Variants in TRIM48 observed in about 807,000 individuals in gnomAD.
TRIM48 encodes E3 ubiquitin-protein ligase TRIM48.
In TRIM48, 31 loss-of-function variants were observed where a neutral mutation model predicts 29.5. That is an observed-to-expected ratio of 1.05 (90% confidence interval 0.79 to 1.42). The LOEUF is 1.42. TRIM48 is among the 40% of genes most tolerant of loss of function. The pLI is 0.00. For missense variants in TRIM48, 344 were observed against 265.0 expected (o/e 1.30, Z -2.07); for synonymous variants, 128 against 90.6 (o/e 1.41, Z -2.34).
intron 1 of TRIM48, among the ~76,000 whole-genome samples, chr11:55,262,670 GTTCAT>G (rs1030723597): frequency 1.3e-5 from 2 of 151,900 alleles, no homozygotes; most frequent in African/African-American, 4.8e-5. Context: ...ATTAATGAAT[GTTCAT>G]TCATTCATTC....
chr11:55,267,681 T>C (rs892285352), intron 3 of TRIM48: 2 of 1,557,066 alleles, frequency 1.3e-6, no homozygotes, highest in Admixed American at 1.8e-5. Context: ...ACTATTCACA[T>C]GTATAAGTAT....
rs763093051 is a variant in TRIM48, at chr11:55,265,048, C to G, written c.193C>G (p.Leu65Val). The G allele has an allele frequency of 6.3e-7, 1 of 1,584,046 alleles. No homozygotes were observed. Among genetic ancestry groups the G allele is most frequent in the South Asian group, 1.2e-5 (1 of 83,710 alleles). The stretch of plus-strand genomic sequence containing the variant: ...CCTCAACTGGCAAGACATCCCAATT[C>G]TTACTCAGTGCTTTGAATGCATAAA... ...FYLNWQDIPI[L>V]TQCFECIKTI... is the part of the protein sequence containing the mutation. Residue 65 changes from leucine (L) to valine (V), a missense_variant, in exon 2 of 6, where the codon CTT becomes GTT. By Grantham distance (32) the Leu-to-Val change is conservative. Transcript: ENST00000417545.
chr11:55,262,416 A>G (rs1325301707), intron 1 of TRIM48, 105 bp downstream of exon 1: 1 of 810,550 alleles, frequency 1.2e-6, no homozygotes, highest in African/African-American at 1.7e-5. Flanking sequence ...CAATGATACC[A>G]TCTGTAATTC....
chr11:55,263,763 G>A (rs1212199051), intron 1 of TRIM48, among the ~76,000 whole-genome samples: 8 of 152,296 alleles, frequency 5.3e-5, no homozygotes, highest in African/African-American at 1.7e-4. Flanking sequence ...AGGAAAATTC[G>A]TTTGCTTGAT....
rs1314544029 is a variant in TRIM48 at position 55,269,131 on chromosome 11, T to A, written c.579-111T>A. On this transcript the variant is annotated intron_variant, in intron 4 of 5. Transcript: ENST00000417545. The stretch of plus-strand genomic sequence containing the variant: ...AAAAAGGAAGGAATAATTTTTGAAT[T>A]ATCAAATTTGTGGGTTCAAAGGATT... 1.1e-5 allele frequency: 15 copies of A among 1,411,180 alleles called. 3 individuals carry two copies. Among genetic ancestry groups the A allele is most frequent in the Admixed American group, 8.8e-5 (4 of 45,552 alleles). The allele number at this position is 1,411,180 out of a possible 1,614,324, so 87.4% of individuals were successfully genotyped here.
chr11:55,267,252 G>A (rs1361803396), intron 3 of TRIM48, among the ~76,000 whole-genome samples: 1 of 147,370 alleles, frequency 6.8e-6, no homozygotes, highest in Non-Finnish European at 1.5e-5. Context: ...TGATCTTTAT[G>A]CAGAAAGAAA....
chr11:55,265,291 G>A lies in TRIM48; in HGVS notation c.436G>A (p.Glu146Lys), dbSNP rs750961621. Reference protein sequence around the residue: ...EHRYHRHCPAEWAAEEHWEKL... With the variant: ...EHRYHRHCPAKWAAEEHWEKL... ...CCGGTATCACAGACACTGTCCCGCTGAGTGGGCTGCTGAGGAACACTGGGT... is the reference window on the plus strand; with the variant it reads ...CCGGTATCACAGACACTGTCCCGCTAAGTGGGCTGCTGAGGAACACTGGGT... The change falls in exon 2 of 6, where the codon GAG becomes AAG. Residue 146 changes from glutamate to lysine, a missense_variant. By Grantham distance (56) the Glu-to-Lys change is moderately conservative. Coordinates refer to ENST00000417545, the MANE Select transcript of TRIM48 (RefSeq NM_024114.5). 6.3e-6 allele frequency: 10 copies of A among 1,582,284 alleles called. 1 individual carries two copies. The highest frequency in any genetic ancestry group is 1.4e-5 in the African/African-American group (1 of 73,588).
intron 4 of TRIM48, 144 bp from the exon 5 acceptor site, chr11:55,269,098 T>A (rs746547212): frequency 1.5e-6 from 2 of 1,299,892 alleles, no homozygotes; most frequent in Non-Finnish European, 2.1e-6. Flanking sequence ...TAAATAGAAA[T>A]TAATTCCAAA....
At chr11:55,263,011 G>T (rs2085249535) in intron 1 of TRIM48, among the ~76,000 whole-genome samples, 1 of 152,012 alleles carries the variant, frequency 6.6e-6, no homozygotes, top group African/African-American at 2.4e-5. Context: ...ACTTAAAATT[G>T]CCAAAGACCA....
Position 55,267,940 on chromosome 11 carries a change from G to C in TRIM48, c.556-410G>C, listed in dbSNP as rs1857418435. 1.4e-5 allele frequency among the ~76,000 whole-genome samples: 2 copies of C among 147,906 alleles called. 1 individual carries two copies. The highest frequency in any genetic ancestry group is 1.4e-4 in the Admixed American group (2 of 14,566). On this transcript the variant is annotated intron_variant, in intron 3 of 5. Coordinates refer to ENST00000417545, the MANE Select transcript of TRIM48 (RefSeq NM_024114.5). ...AGGGTTGTCAAACATGTATAAAATA[G>C]TGAGTGATTCATTTACATTTAGGTT...
At chr11:55,265,897 G>C (rs1857385411) in intron 3 of TRIM48, among the ~76,000 whole-genome samples, 1 of 146,834 alleles carries the variant, frequency 6.8e-6, no homozygotes, top group South Asian at 2.5e-4. Flanking sequence ...CAAAACCGTT[G>C]ATGTTACCCA....
At position 55,268,162 on chromosome 11, in the gene TRIM48, C is replaced by T. The variant is rs375363913; in HGVS notation, c.556-188C>T. On this transcript the variant is annotated intron_variant, in intron 3 of 5. Transcript: ENST00000417545. Reference sequence around the variant, plus strand: ...AATGTCTTCAAGACTCAGACTTTCCCGGGACATTAATTAGTGACAATATGA... The same window carrying T: ...AATGTCTTCAAGACTCAGACTTTCCTGGGACATTAATTAGTGACAATATGA... Among the ~76,000 whole-genome samples the T allele has an allele frequency of 1.2e-4, 18 of 147,322 alleles. 1 individual carries two copies. The highest frequency in any genetic ancestry group is 3.2e-4 in the African/African-American group (13 of 40,290).
chr11:55,266,570 G>A (rs1327299122), intron 3 of TRIM48, among the ~76,000 whole-genome samples: 1 of 147,686 alleles, frequency 6.8e-6, no homozygotes. Context: ...TAAGTTCTTT[G>A]TTGGAGAATA....
intron 3 of TRIM48, among the ~76,000 whole-genome samples, chr11:55,268,060 A>G (rs1857419961): frequency 6.8e-6 from 1 of 147,796 alleles, no homozygotes; most frequent in Non-Finnish European, 1.5e-5. Context: ...GGTTCTGGGA[A>G]AGATGACCGA....
At chr11:55,268,225 C>T (rs1857422524) in intron 3 of TRIM48, 125 bp from the exon 4 acceptor site, 1 of 886,480 alleles carries the variant, frequency 1.1e-6, no homozygotes. Flanking sequence ...ATAGAAAATG[C>T]TTTGCAGAAG....
rs1355915882 is a variant in TRIM48 at position 55,270,718 on chromosome 11, G to A, written c.*283G>A. 20 of 1,566,930 alleles carry A rather than the reference G, an allele frequency of 1.3e-5. 4 individuals carry two copies. In the East Asian group the frequency reaches 4.6e-4, roughly 36 times the overall value. On this transcript the variant is annotated 3_prime_UTR_variant, in exon 6 of 6. Transcript: ENST00000417545. ...TGGAGAGGAGGGACTCTTTAGTCTT[G>A]GGTGTGTTAAGAACGACATTCAGTG...
Position 55,266,262 on chromosome 11 carries a change from A to C in TRIM48, c.555+567A>C, listed in dbSNP as rs191346032. On this transcript the variant is annotated intron_variant, in intron 3 of 5. Coordinates refer to ENST00000417545, the MANE Select transcript of TRIM48 (RefSeq NM_024114.5). ...GATTTGTGTCTTGAGGGAGACATGC[A>C]AACATGCCCAAAATATGGGAACTAG... 1.4e-5 allele frequency among the ~76,000 whole-genome samples: 2 copies of C among 147,872 alleles called. 1 individual carries two copies. Among genetic ancestry groups the C allele is most frequent in the East Asian group, 4.3e-4 (2 of 4,624 alleles).
chr11:55,268,624 A>G (rs1857429243), intron 4 of TRIM48, among the ~76,000 whole-genome samples: 1 of 148,040 alleles, frequency 6.8e-6, no homozygotes, highest in Non-Finnish European at 1.5e-5. Flanking sequence ...TGCATAGGTG[A>G]AAGATGAAGT....
intron 1 of TRIM48, among the ~76,000 whole-genome samples, chr11:55,264,047 G>C (rs574286783): frequency 1.3e-5 from 2 of 152,052 alleles, no homozygotes; most frequent in African/African-American, 4.8e-5. Flanking sequence ...CAGAAACAAT[G>C]CTGCACCATT....
Sources: gnomAD v4.1 joint callset for allele counts (sites outside exome capture counted in the v4.1 genomes callset) on GRCh38, gnomAD v4.1.1 for gene constraint, MANE v1.5 for transcripts, NCBI Gene and HGNC (gene_info 2026-07-23, HGNC 2026-07-21) for gene names.